Variants in ANO2 observed in about 807,000 individuals in gnomAD.
ANO2 encodes anoctamin-2.
ANO2 carries 101 observed loss-of-function variants against 124.2 expected under a neutral mutation model. The observed-to-expected ratio is 0.81, with a 90% CI of 0.69 to 0.96. The LOEUF (loss-of-function observed/expected upper bound fraction) is 0.96, where lower values mean the gene tolerates loss of function less well. Among genes scored for constraint, ANO2 ranks in the 40% least tolerant of loss-of-function variants. The pLI is 0.00. For missense variants in ANO2, 1,293 were observed against 1,274.5 expected (o/e 1.01, Z -0.22); for synonymous variants, 486 against 482.5 (o/e 1.01, Z -0.09).
intron 3 of ANO2, among the ~76,000 whole-genome samples, chr12:5,917,512 C>T (rs185840730): frequency 6.6e-6 from 1 of 150,898 alleles, no homozygotes; most frequent in East Asian, 1.9e-4. Context: ...TACCTTGTTT[C>T]ATCTTCATAA....
intron 3 of ANO2, among the ~76,000 whole-genome samples, chr12:5,907,994 C>T (rs1297441672): frequency 1.3e-5 from 2 of 152,344 alleles, no homozygotes; most frequent in East Asian, 3.9e-4. Context: ...TGCAACCTCC[C>T]CAACTCCACA....
At chr12:5,764,198 A>G (rs1951814418) in intron 10 of ANO2, among the ~76,000 whole-genome samples, 1 of 152,198 alleles carries the variant, frequency 6.6e-6, no homozygotes, top group Admixed American at 6.5e-5. Context: ...AGATGAGACA[A>G]CTGAAGATCC....
chr12:5,639,155 C>T (rs984786972), intron 15 of ANO2, among the ~76,000 whole-genome samples: 1 of 152,110 alleles, frequency 6.6e-6, no homozygotes, highest in African/African-American at 2.4e-5. Context: ...AAGAACTTTC[C>T]AGAAAAGGGA....
At chr12:5,875,800 T>A (rs1235439606) in intron 3 of ANO2, among the ~76,000 whole-genome samples, 1 of 151,710 alleles carries the variant, frequency 6.6e-6, no homozygotes, top group Non-Finnish European at 1.5e-5. Flanking sequence ...TAGAAAAAGA[T>A]GATAAGTCCT....
intron 16 of ANO2, among the ~76,000 whole-genome samples, chr12:5,626,614 G>T (rs751294308): frequency 6.6e-6 from 1 of 151,736 alleles, no homozygotes; most frequent in Non-Finnish European, 1.5e-5. Flanking sequence ...TACCACTGAG[G>T]ATTGCAGCAG....
intron 22 of ANO2, among the ~76,000 whole-genome samples, chr12:5,577,126 C>A (rs1316464128): frequency 6.6e-6 from 1 of 152,244 alleles, no homozygotes; most frequent in East Asian, 1.9e-4. Flanking sequence ...TTCCAACTTG[C>A]ACCTTATTTC....
chr12:5,861,172 A>G (rs2137265221), intron 3 of ANO2, among the ~76,000 whole-genome samples: 1 of 152,322 alleles, frequency 6.6e-6, no homozygotes, highest in Non-Finnish European at 1.5e-5. Flanking sequence ...TCTGTGCTGC[A>G]TAAGCATAGA....
At chr12:5,604,270 T>C (rs1346052148) in intron 19 of ANO2, among the ~76,000 whole-genome samples, 1 of 151,876 alleles carries the variant, frequency 6.6e-6, no homozygotes, top group Non-Finnish European at 1.5e-5. Context: ...TAAGAGGCAG[T>C]TTTGATGAGG....
intron 3 of ANO2, among the ~76,000 whole-genome samples, chr12:5,889,589 G>C (rs978269401): frequency 6.6e-6 from 1 of 152,254 alleles, no homozygotes; most frequent in Non-Finnish European, 1.5e-5. Flanking sequence ...TCTTACACGT[G>C]TCCCATCTCC....
intron 16 of ANO2, among the ~76,000 whole-genome samples, chr12:5,620,442 G>A (rs1173632689): frequency 6.6e-6 from 1 of 152,214 alleles, no homozygotes; most frequent in African/African-American, 2.4e-5. Flanking sequence ...AGGGAATCTG[G>A]AGACAGCAGT....
intron 10 of ANO2, among the ~76,000 whole-genome samples, chr12:5,778,544 A>G (rs1226243298): frequency 1.3e-5 from 2 of 152,226 alleles, no homozygotes; most frequent in African/African-American, 4.8e-5. Context: ...CACATCTAAC[A>G]TATCTGAAAT....
chr12:5,885,462 G>A (rs562038968), intron 3 of ANO2, among the ~76,000 whole-genome samples: 11 of 152,292 alleles, frequency 7.2e-5, no homozygotes, highest in Admixed American at 2.6e-4. Flanking sequence ...CTTTAAATGC[G>A]CAGATTACCA....
At chr12:5,618,013 G>T (rs147909136) in intron 16 of ANO2, among the ~76,000 whole-genome samples, 29 of 152,348 alleles carry the variant, frequency 1.9e-4, no homozygotes, top group Middle Eastern at 3.4e-3. Flanking sequence ...GAAGGAGTAG[G>T]ATGGTGAGAA....
intron 3 of ANO2, among the ~76,000 whole-genome samples, chr12:5,891,204 T>G (rs1939368579): frequency 6.6e-6 from 1 of 152,188 alleles, no homozygotes; most frequent in South Asian, 2.1e-4. Flanking sequence ...GGAGAAGCCC[T>G]CTATTTCTGG....
intron 14 of ANO2, among the ~76,000 whole-genome samples, chr12:5,651,341 C>T (rs999101911): frequency 6.6e-6 from 1 of 152,120 alleles, no homozygotes; most frequent in Non-Finnish European, 1.5e-5. Flanking sequence ...GGTGAGAGTG[C>T]TATTTAAACA....
Position 5,578,148 on chromosome 12 carries a change from G to T in ANO2, c.2387-141C>A, listed in dbSNP as rs909609884. On this transcript the variant is annotated intron_variant, in intron 21 of 24. Coordinates refer to ENST00000682330, the MANE Select transcript of ANO2 (RefSeq NM_001364791.2). ...CCCCAGAATGGGCTTGTCTGGAAAG[G>T]CTTAGGTAGCCCCCCCATCTGGAAG... 7 of 1,254,166 alleles carry T rather than the reference G, an allele frequency of 5.6e-6. No homozygotes were observed. In the African/African-American group the frequency reaches 9.1e-5, roughly 16 times the overall value. 77.7% of individuals were successfully genotyped at this position (1,254,166 alleles called of 1,614,324 possible). A position where few individuals can be genotyped will look rare whatever the true frequency, so the allele number is the denominator to read the frequency against.
intron 1 of ANO2, among the ~76,000 whole-genome samples, chr12:5,943,461 G>A (rs1942976469): frequency 6.6e-6 from 1 of 152,120 alleles, no homozygotes; most frequent in African/African-American, 2.4e-5. Context: ...TATGCTATGA[G>A]GATGCAAAGA....
At chr12:5,734,419 T>C (rs1464633804) in intron 13 of ANO2, among the ~76,000 whole-genome samples, 1 of 152,304 alleles carries the variant, frequency 6.6e-6, no homozygotes, top group Non-Finnish European at 1.5e-5. Context: ...TTCCAGAACA[T>C]GGGTTCTACA....
At chr12:5,924,835 T>C (rs1942005273) in intron 1 of ANO2, among the ~76,000 whole-genome samples, 1 of 152,204 alleles carries the variant, frequency 6.6e-6, no homozygotes, top group Non-Finnish European at 1.5e-5. Context: ...GCCCTCAAAA[T>C]GATCTTTGGA....
Sources: allele counts gnomAD v4.1 joint callset (sites outside exome capture counted in the v4.1 genomes callset), GRCh38; gene constraint gnomAD v4.1.1; transcripts MANE v1.5; gene names NCBI Gene and HGNC (gene_info 2026-07-23, HGNC 2026-07-21).